MGA: variants seen among roughly 807,000 people sequenced by gnomAD.
MGA encodes the protein MAX gene-associated protein.
In MGA, 40 loss-of-function variants were observed where a neutral mutation model predicts 261.1. That is an observed-to-expected ratio of 0.15 (90% CI 0.12 to 0.20). The LOEUF (loss-of-function observed/expected upper bound fraction) is 0.20. Among genes scored for constraint, MGA ranks in the 10% least tolerant of loss-of-function variants. The pLI is 1.00. For synonymous variants in MGA, 1,302 were observed against 1,290.6 expected (o/e 1.01, Z -0.19); for missense variants, 3,397 against 3,630.5 (o/e 0.94, Z 1.65).
intron 2 of MGA, among the ~76,000 whole-genome samples, chr15:41,689,403 CCTCT>C (rs140930235): frequency 0.033 from 4,908 of 150,542 alleles, 130 homozygotes; most frequent in South Asian, 0.069. Flanking sequence ...TTTCTCTCTC[CCTCT>C]CTTTCTCCTC....
At chr15:41,762,609 A>G (rs553528540) in intron 22 of MGA, among the ~76,000 whole-genome samples, 1 of 151,512 alleles carries the variant, frequency 6.6e-6, no homozygotes, top group South Asian at 2.1e-4. Flanking sequence ...CTGGGACTAC[A>G]GCGAGCACCA....
intron 11 of MGA, among the ~76,000 whole-genome samples, chr15:41,734,136 G>A (rs1465292613): frequency 1.3e-5 from 2 of 151,726 alleles, no homozygotes; most frequent in African/African-American, 4.8e-5. Flanking sequence ...TTGAACTCCT[G>A]GGCTCAAGTG....
rs2061997498 is a variant in MGA, at chr15:41,739,895, A to G, written c.4435-158A>G. 6.2e-7 allele frequency: 1 copy of G among 1,605,878 alleles called. No homozygotes were observed. Among genetic ancestry groups the G allele is most frequent in the Non-Finnish European group, 8.5e-7 (1 of 1,174,728 alleles). ...TATCTTTACAGAATTTCTCTTTGCC[A>G]CTTGTTTCAGGTTAATGGTAAGAGT... On this transcript the variant is annotated intron_variant, in intron 13 of 23. Transcript: ENST00000219905.
chr15:41,644,346 CAA>C (rs34743222), intron 1 of MGA, among the ~76,000 whole-genome samples: 60 of 65,706 alleles, frequency 9.1e-4, no homozygotes, highest in South Asian at 3.5e-3. Context: ...CCATCTGTAC[CAA>C]AAAAAAAAAA....
intron 2 of MGA, among the ~76,000 whole-genome samples, chr15:41,673,750 TC>T (rs1186762660): frequency 1.3e-5 from 2 of 149,686 alleles, no homozygotes; most frequent in Non-Finnish European, 3.0e-5. Context: ...ACCATGTTGG[TC>T]AGACTGGTCT....
intron 18 of MGA, among the ~76,000 whole-genome samples, chr15:41,754,969 T>C (rs1245681145): frequency 2.6e-5 from 4 of 152,214 alleles, no homozygotes; most frequent in Admixed American, 2.6e-4. Context: ...ATAAGTGGAC[T>C]ACTCAACAAA....
intron 2 of MGA, among the ~76,000 whole-genome samples, chr15:41,674,764 C>T (rs1017452929): frequency 5.3e-5 from 8 of 152,192 alleles, no homozygotes; most frequent in African/African-American, 1.2e-4. Flanking sequence ...TTGATCCGCC[C>T]GCCTTGGCCT....
chr15:41,734,427 A>G, intron 11 of MGA, 95 bp from the exon 12 acceptor site: 1 of 962,840 alleles, frequency 1.0e-6, no homozygotes, highest in East Asian at 2.7e-5. Flanking sequence ...CTAATGATTT[A>G]AACTTCTGTG....
At chr15:41,643,261 G>A (rs1460236811) in intron 1 of MGA, among the ~76,000 whole-genome samples, 1 of 143,306 alleles carries the variant, frequency 7.0e-6, no homozygotes, top group Non-Finnish European at 1.5e-5. Context: ...TATTTTTTGA[G>A]ACGGAGTCTC....
chr15:41,715,396 C>T (rs2060582365), intron 9 of MGA, among the ~76,000 whole-genome samples: 1 of 152,156 alleles, frequency 6.6e-6, no homozygotes, highest in East Asian at 1.9e-4. Flanking sequence ...GATCGGCCCA[C>T]CTCGGCCTCC....
chr15:41,637,226 T>C (rs1033484946), intron 1 of MGA, among the ~76,000 whole-genome samples: 5 of 152,120 alleles, frequency 3.3e-5, no homozygotes, highest in Non-Finnish European at 5.9e-5. Context: ...AGTGACAGTG[T>C]GGAAAGAACC....
intron 1 of MGA, among the ~76,000 whole-genome samples, chr15:41,668,256 T>A (rs1249913186): frequency 1.3e-5 from 2 of 152,176 alleles, no homozygotes; most frequent in African/African-American, 4.8e-5. Context: ...TCCATTGAGT[T>A]CCAGTGATTT....
At chr15:41,644,937 A>C (rs1171503676) in intron 1 of MGA, among the ~76,000 whole-genome samples, 1 of 152,230 alleles carries the variant, frequency 6.6e-6, no homozygotes, top group African/African-American at 2.4e-5. Flanking sequence ...AAAATAGGGT[A>C]TTATGTAGGT....
intron 9 of MGA, among the ~76,000 whole-genome samples, chr15:41,722,663 A>T (rs958178657): frequency 6.6e-6 from 1 of 152,178 alleles, no homozygotes; most frequent in African/African-American, 2.4e-5. Flanking sequence ...TTCTTTATAA[A>T]TGCTATATTT....
In MGA at chr15:41,699,173, G is replaced by T; in HGVS notation, c.2188+14G>T. 5.3e-6 allele frequency: 8 copies of T among 1,503,026 alleles called. No individual in the cohort carries two copies. Among genetic ancestry groups the T allele is most frequent in the South Asian group, 2.6e-5 (2 of 77,006 alleles). 93.1% of individuals were successfully genotyped at this position (1,503,026 alleles called of 1,614,324 possible). ...GTCTTCAAGAAGGTAATAGACTAGC[G>T]ACTTCTTTTTTTTTGTTTTCTTTTT... On this transcript the variant is annotated intron_variant, in intron 5 of 23. Transcript: ENST00000219905.
chr15:41,646,569 C>CA (rs1193822939), intron 1 of MGA, among the ~76,000 whole-genome samples: 2 of 151,932 alleles, frequency 1.3e-5, no homozygotes, highest in Admixed American at 6.6e-5. Flanking sequence ...GTGATCCACC[C>CA]ACCTTGGCCT....
intron 5 of MGA, among the ~76,000 whole-genome samples, chr15:41,702,497 C>T (rs1209150652): frequency 2.0e-5 from 3 of 152,150 alleles, no homozygotes; most frequent in African/African-American, 7.2e-5. Context: ...AACTTAATGT[C>T]ATATTTCCTT....
Position 41,711,095 on chromosome 15 carries a change from G to A in MGA, c.2830G>A (p.Gly944Ser). The change falls in exon 8 of 24, where the codon GGC (glycine) becomes AGC (serine). Residue 944 changes from glycine to serine, a missense_variant. Physicochemically the swap from Gly to Ser is moderately conservative, Grantham distance 56 (BLOSUM62 0). Coordinates refer to ENST00000219905, the MANE Select transcript of MGA (RefSeq NM_001164273.2). ...AGATAAGGTTACCAAGAATTCTTCAGGCATCATCTCAGAAAATCAGGCGAA... is the reference window on the plus strand; with the variant it reads ...AGATAAGGTTACCAAGAATTCTTCAAGCATCATCTCAGAAAATCAGGCGAA... The A allele has an allele frequency of 6.2e-7, 1 of 1,614,006 alleles. No individual in the cohort carries two copies. The highest frequency in any genetic ancestry group is 8.5e-7 in the Non-Finnish European group (1 of 1,179,894).
At chr15:41,718,299 G>GTATATA (rs556672274) in intron 9 of MGA, 9 of 215,856 alleles carry the variant, frequency 4.2e-5, no homozygotes, top group African/African-American at 2.3e-4. Context: ...GTGTGTGTGT[G>GTATATA]TGTATATATA....
Sources: gnomAD v4.1 joint callset for allele counts (sites outside exome capture counted in the v4.1 genomes callset) on GRCh38, gnomAD v4.1.1 for gene constraint, MANE v1.5 for transcripts, NCBI Gene and HGNC (gene_info 2026-07-23, HGNC 2026-07-21) for gene names.